Variants in ZNF106 observed in about 807,000 individuals in gnomAD.
ZNF106 encodes the protein zinc finger protein 106.
Under a neutral mutation model 195.1 loss-of-function variants are expected in ZNF106, and 67 were observed. That is an observed-to-expected ratio of 0.34 (90% CI 0.28 to 0.42). The LOEUF (loss-of-function observed/expected upper bound fraction) is 0.42. ZNF106 is among the 10% of genes least tolerant of loss of function. The pLI, the probability that ZNF106 is intolerant of heterozygous loss-of-function variation, is 1.00. For synonymous variants in ZNF106, 784 were observed against 818.6 expected (o/e 0.96, Z 0.72); for missense variants, 2,118 against 2,304.5 (o/e 0.92, Z 1.66).
chr15:42,421,528 A>T lies in ZNF106; in HGVS notation c.5445+389T>A, dbSNP rs1332351024. On this transcript the variant is annotated intron_variant, in intron 19 of 21. Transcript: ENST00000564754. ...TTCAACTCCATAACTTAAAAATAAA[A>T]AAAACAAGGCTTAGCAGGGTTACGT... Among the ~76,000 whole-genome samples, 4 of 152,304 alleles carry T rather than the reference A, an allele frequency of 2.6e-5. No individual in the cohort carries two copies. The South Asian group carries it at 8.3e-4, about 32-fold the overall frequency.
chr15:42,468,660 T>C (rs1417623287), intron 2 of ZNF106, among the ~76,000 whole-genome samples: 1 of 151,388 alleles, frequency 6.6e-6, no homozygotes, highest in Non-Finnish European at 1.5e-5. Flanking sequence ...GGAGAATCGC[T>C]TGAACCCAGG....
Position 42,450,275 on chromosome 15 carries a change from C to T in ZNF106, c.1997G>A (p.Cys666Tyr). ...TTCTTTCTGGCGAACTATGGGATTA[C>T]ATGGGGAAGTGGATAGCTCTCTAGA... The part of the protein sequence containing the change: ...KTSRELSTSP[C>Y]NPIVRQKESE... The change falls in exon 5 of 22, where the codon TGT becomes TAT. Residue 666 changes from cysteine (C) to tyrosine (Y), a missense_variant. Physicochemically the swap from Cys to Tyr is radical, Grantham distance 194. Transcript: ENST00000564754. 6.2e-7 allele frequency: 1 copy of T among 1,614,152 alleles called. No homozygotes were observed. Among genetic ancestry groups the T allele is most frequent in the African/African-American group, 1.3e-5 (1 of 75,038 alleles).
intron 14 of ZNF106, among the ~76,000 whole-genome samples, chr15:42,428,967 G>A (rs914051821): frequency 7.3e-5 from 11 of 151,160 alleles, no homozygotes; most frequent in Admixed American, 5.3e-4. Flanking sequence ...GGGTTTCATC[G>A]TATTAGCCAG....
At chr15:42,482,533 T>TTTTG (rs1555432084) in intron 1 of ZNF106, among the ~76,000 whole-genome samples, 2 of 138,964 alleles carry the variant, frequency 1.4e-5, no homozygotes, top group Non-Finnish European at 3.1e-5. Context: ...TTTTTTTTTT[T>TTTTG]TTTTTTTTTT....
chr15:42,449,711 G>A, intron 5 of ZNF106, 60 bp downstream of exon 5: 1 of 1,542,710 alleles, frequency 6.5e-7, no homozygotes, highest in Non-Finnish European at 8.7e-7. Context: ...CTTGATCAGG[G>A]TCAAAGGGTT....
At chr15:42,488,139 ATT>A (rs548355328) in intron 1 of ZNF106, among the ~76,000 whole-genome samples, 1 of 152,036 alleles carries the variant, frequency 6.6e-6, no homozygotes, top group East Asian at 1.9e-4. Flanking sequence ...AAATTTGTGA[ATT>A]TTTTTTCCCC....
In ZNF106 at chr15:42,451,189, A is replaced by T. The variant is rs752004226; in HGVS notation, c.1083T>A (p.Asn361Lys). Residue 361 changes from asparagine (N) to lysine (K), a missense_variant, in exon 5 of 22, where the codon AAT (asparagine) becomes AAA (lysine). Coordinates refer to ENST00000564754, the MANE Select transcript of ZNF106 (RefSeq NM_001366845.3). ...DTATSKVSGK[N>K]GSAAREKPRR... ...GAGGCTTTTCCCTTGCCGCACTGCC[A>T]TTCTTTCCACTAACTTTGGAAGTAG... 3.1e-6 allele frequency: 5 copies of T among 1,614,122 alleles called. No homozygotes were observed. Among genetic ancestry groups the T allele is most frequent in the Non-Finnish European group, 4.2e-6 (5 of 1,180,026 alleles).
At chr15:42,488,928 G>A (rs970805887) in intron 1 of ZNF106, among the ~76,000 whole-genome samples, 1 of 151,340 alleles carries the variant, frequency 6.6e-6, no homozygotes, top group African/African-American at 2.4e-5. Flanking sequence ...AATACAAAAC[G>A]TTAGCCAGGC....
chr15:42,487,043 G>C (rs1027572255), intron 1 of ZNF106, among the ~76,000 whole-genome samples: 78 of 151,898 alleles, frequency 5.1e-4, no homozygotes, highest in African/African-American at 1.6e-3. Flanking sequence ...CCAGCTACTC[G>C]GGAGGCTGAG....
At chr15:42,453,283 TAATATG>T (rs2056113207) in intron 4 of ZNF106, among the ~76,000 whole-genome samples, 1 of 152,132 alleles carries the variant, frequency 6.6e-6, no homozygotes, top group Admixed American at 6.5e-5. Context: ...GTAGTAACCA[TAATATG>T]TGCTATAAGG....
Position 42,439,505 on chromosome 15 carries a change from G to C in ZNF106, c.4072C>G (p.Gln1358Glu). The C allele has an allele frequency of 6.2e-7, 1 of 1,614,196 alleles. No homozygotes were observed. The highest frequency in any genetic ancestry group is 8.5e-7 in the Non-Finnish European group (1 of 1,180,026). Residue 1358 changes from glutamine to glutamate, a missense_variant, in exon 11 of 22, where the codon CAA becomes GAA. By Grantham distance (29) the Gln-to-Glu change is conservative. Coordinates refer to ENST00000564754, the MANE Select transcript of ZNF106 (RefSeq NM_001366845.3). Reference sequence around the variant, plus strand: ...GATGTCAAAGTGGATTCTGCCTGTTGTTCAGGCTGGTCAGCTGGAGAGTGG... The same window carrying C: ...GATGTCAAAGTGGATTCTGCCTGTTCTTCAGGCTGGTCAGCTGGAGAGTGG... ...EPHSPADQPE[Q>E]QAESTLTSAE...
intron 5 of ZNF106, among the ~76,000 whole-genome samples, chr15:42,449,399 TATAGCACGC>T (rs1275208118): frequency 2.6e-5 from 4 of 152,220 alleles, no homozygotes; most frequent in African/African-American, 9.6e-5. Context: ...ATTTAAAAGT[TATAGCACGC>T]ATTCCAAAAT....
intron 1 of ZNF106, among the ~76,000 whole-genome samples, chr15:42,478,536 GAC>G (rs60611597): frequency 0.085 from 8,962 of 105,218 alleles, 697 homozygotes; most frequent in Admixed American, 0.23. Flanking sequence ...TTTTTTTTGA[GAC>G]ACAGTCTTGC....
chr15:42,460,142 A>G (rs1430665588), intron 3 of ZNF106, among the ~76,000 whole-genome samples: 1 of 152,196 alleles, frequency 6.6e-6, no homozygotes, highest in Non-Finnish European at 1.5e-5. Context: ...AGAATGCTAA[A>G]CTGAATATTG....
At chr15:42,426,762 T>TTAAAATTTAAAGGCTAAAATA (rs1266799590) in intron 15 of ZNF106, among the ~76,000 whole-genome samples, 1 of 152,126 alleles carries the variant, frequency 6.6e-6, no homozygotes, top group Non-Finnish European at 1.5e-5. Flanking sequence ...ATTATCACGT[T>TTAAAATTTAAAGGCTAAAATA]TTAGCCTTTA....
In ZNF106 at chr15:42,444,245, A is replaced by G; in HGVS notation, c.3378T>C (p.Ser1126=). The G allele has an allele frequency of 6.2e-7, 1 of 1,609,950 alleles. No individual in the cohort carries two copies. Among genetic ancestry groups the G allele is most frequent in the Non-Finnish European group, 8.5e-7 (1 of 1,177,614 alleles). ...TCTGTATTCTATGGGTCCTCAGTGC[A>G]CTCATCTCCATAGTTATCTAAAAAT... ...MLKQQITMEM[S]ALRTHRIQIL... Residue 1126 remains serine, a synonymous_variant, in exon 9 of 22, where the codon AGT becomes AGC. Coordinates refer to ENST00000564754, the MANE Select transcript of ZNF106 (RefSeq NM_001366845.3).
Position 42,451,949 on chromosome 15 carries a change from T to C in ZNF106, c.323A>G (p.Asp108Gly), listed in dbSNP as rs1356155274. 5 of 1,603,156 alleles carry C rather than the reference T, an allele frequency of 3.1e-6. No homozygotes were observed. Among genetic ancestry groups the C allele is most frequent in the South Asian group, 2.2e-5 (2 of 89,500 alleles). The change falls in exon 5 of 22, where the codon GAT (aspartate) becomes GGT (glycine). Residue 108 changes from aspartate (D) to glycine (G), a missense_variant. Physicochemically the swap from Asp to Gly is moderately conservative, Grantham distance 94 (BLOSUM62 -1). Transcript: ENST00000564754. ...TTCTTGGTTGCTATTGGAAGGTTCATCTTGTCTGGAAGAAAAACAGTTTTT... is the reference window on the plus strand; with the variant it reads ...TTCTTGGTTGCTATTGGAAGGTTCACCTTGTCTGGAAGAAAAACAGTTTTT... ...IKQRKEQSRQDEPSNSNQEIN... is the reference protein window; with the variant it reads ...IKQRKEQSRQGEPSNSNQEIN...
At chr15:42,464,992 G>A (rs756012503) in intron 3 of ZNF106, among the ~76,000 whole-genome samples, 1 of 152,120 alleles carries the variant, frequency 6.6e-6, no homozygotes, top group East Asian at 1.9e-4. Flanking sequence ...GGCCTCCCTA[G>A]CTACGTGGAA....
At chr15:42,486,520 A>G (rs2057019763) in intron 1 of ZNF106, among the ~76,000 whole-genome samples, 1 of 152,142 alleles carries the variant, frequency 6.6e-6, no homozygotes, top group Non-Finnish European at 1.5e-5. Flanking sequence ...TGGCCTCCCA[A>G]AGTGCTAGGA....
Sources: allele counts gnomAD v4.1 joint callset (sites outside exome capture counted in the v4.1 genomes callset), GRCh38; gene constraint gnomAD v4.1.1; transcripts MANE v1.5; gene names NCBI Gene and HGNC (gene_info 2026-07-23, HGNC 2026-07-21).